Variants in CSMD1 observed in about 807,000 individuals in gnomAD.
The protein encoded by CSMD1 is CUB and sushi domain-containing protein 1.
Under a neutral mutation model 417.5 loss-of-function variants are expected in CSMD1, and 213 were observed. The observed-to-expected ratio is 0.51, with a 90% confidence interval of 0.46 to 0.57. The LOEUF (loss-of-function observed/expected upper bound fraction) is 0.57, where lower values mean the gene tolerates loss of function less well. CSMD1 is among the 20% of genes least tolerant of loss of function. CSMD1 has a pLI of 0.00. For synonymous variants in CSMD1, 2,862 were observed against 1,736.8 expected, an observed-to-expected ratio of 1.65 and a Z score of -16.11; for missense variants, 6,923 against 4,529.7, an observed-to-expected ratio of 1.53 and a Z score of -15.17.
At chr8:4,299,680 C>A (rs924482686) in intron 3 of CSMD1, among the ~76,000 whole-genome samples, 2 of 152,166 alleles carry the variant, frequency 1.3e-5, no homozygotes, top group African/African-American at 4.8e-5. Flanking sequence ...TGTCGCCAGG[C>A]TGGATGCAGT....
In CSMD1 at chr8:3,224,551, A is replaced by G. The variant is rs1216585215; in HGVS notation, c.4346-684T>C. On this transcript the variant is annotated intron_variant, in intron 27 of 69. Transcript: ENST00000635120. ...ACCCCAAAAGTTTAAGTGAGCTCTA[A>G]GTATACATATCAGTGAGGAGCTGAG... Among the ~76,000 whole-genome samples the G allele has an allele frequency of 1.1e-4, 17 of 152,336 alleles. No individual in the cohort carries two copies. In the East Asian group the frequency reaches 2.9e-3, roughly 26 times the overall value.
intron 1 of CSMD1, among the ~76,000 whole-genome samples, chr8:4,740,618 G>A (rs139822100): frequency 1.3e-5 from 2 of 152,286 alleles, no homozygotes; most frequent in East Asian, 3.9e-4. Context: ...GAAATGTTGT[G>A]GAAGACACAT....
intron 5 of CSMD1, among the ~76,000 whole-genome samples, chr8:3,941,422 C>T (rs1332876197): frequency 6.6e-6 from 1 of 152,056 alleles, no homozygotes; most frequent in Non-Finnish European, 1.5e-5. Flanking sequence ...ATATTTCTGT[C>T]CATCAGTCTA....
intron 1 of CSMD1, among the ~76,000 whole-genome samples, chr8:4,681,597 G>A (rs1009693374): frequency 6.6e-6 from 1 of 152,114 alleles, no homozygotes; most frequent in African/African-American, 2.4e-5. Context: ...AGTGGAACTC[G>A]AGCCTGGTAA....
intron 47 of CSMD1, among the ~76,000 whole-genome samples, chr8:3,092,108 A>C (rs17079311): frequency 0.26 from 39,030 of 151,984 alleles, 5,210 homozygotes; most frequent in East Asian, 0.36. Flanking sequence ...GAACCCTAGC[A>C]CATGTACGCA....
intron 2 of CSMD1, among the ~76,000 whole-genome samples, chr8:4,542,757 CAA>C (rs1332395377): frequency 6.6e-6 from 1 of 151,608 alleles, no homozygotes; most frequent in Non-Finnish European, 1.5e-5. Context: ...AGTGAAAGTA[CAA>C]AGTAAACATA....
At chr8:4,701,405 T>C (rs1293328270) in intron 1 of CSMD1, among the ~76,000 whole-genome samples, 2 of 151,892 alleles carry the variant, frequency 1.3e-5, no homozygotes, top group African/African-American at 4.8e-5. Flanking sequence ...ATGCGTTCCC[T>C]TACTTTGTCC....
chr8:4,439,930 A>G (rs780670478), intron 2 of CSMD1, among the ~76,000 whole-genome samples: 11 of 152,164 alleles, frequency 7.2e-5, no homozygotes, highest in Admixed American at 3.3e-4. Flanking sequence ...GAGTAATAAT[A>G]TATGTTTACA....
intron 2 of CSMD1, among the ~76,000 whole-genome samples, chr8:4,539,302 T>C (rs1797263364): frequency 6.6e-6 from 1 of 152,206 alleles, no homozygotes; most frequent in South Asian, 2.1e-4. Flanking sequence ...GGATGTAAAA[T>C]ATATCTTTTA....
chr8:4,971,575 G>T (rs1010002255), intron 1 of CSMD1, among the ~76,000 whole-genome samples: 1 of 151,820 alleles, frequency 6.6e-6, no homozygotes, highest in African/African-American at 2.4e-5. Context: ...TTTAGCAGTA[G>T]GCTATGTTTA....
chr8:3,065,214 T>C (rs1260070712), intron 49 of CSMD1, among the ~76,000 whole-genome samples: 1 of 151,958 alleles, frequency 6.6e-6, no homozygotes, highest in African/African-American at 2.4e-5. Context: ...TAGTGATAGA[T>C]AAATGACAGA....
intron 1 of CSMD1, among the ~76,000 whole-genome samples, chr8:4,896,317 A>T (rs1804476786): frequency 6.6e-6 from 1 of 152,054 alleles, no homozygotes. Flanking sequence ...CATGCTTTTC[A>T]ATATTTAATT....
chr8:3,604,539 A>G (rs1801513693), intron 8 of CSMD1, among the ~76,000 whole-genome samples: 1 of 152,216 alleles, frequency 6.6e-6, no homozygotes, highest in African/African-American at 2.4e-5. Context: ...ACCAACCGAG[A>G]TATCAGTGTA....
intron 3 of CSMD1, among the ~76,000 whole-genome samples, chr8:4,283,633 G>A (rs1260160904): frequency 6.6e-6 from 1 of 152,114 alleles, no homozygotes; most frequent in African/African-American, 2.4e-5. Flanking sequence ...CAAGAAATGT[G>A]GGTAGAGATG....
intron 3 of CSMD1, among the ~76,000 whole-genome samples, chr8:4,152,696 GA>G (rs200288278): frequency 1.8e-4 from 26 of 143,498 alleles, no homozygotes; most frequent in Non-Finnish European, 2.9e-4. Context: ...TCTCAAAAAA[GA>G]AAAAAAAAAT....
intron 3 of CSMD1, among the ~76,000 whole-genome samples, chr8:4,105,532 G>T (rs1266333170): frequency 2.0e-5 from 3 of 152,152 alleles, no homozygotes. Flanking sequence ...TTTTCTGCTG[G>T]ATGCAGACAA....
At chr8:4,791,601 A>T (rs1197892485) in intron 1 of CSMD1, among the ~76,000 whole-genome samples, 1 of 152,206 alleles carries the variant, frequency 6.6e-6, no homozygotes, top group Non-Finnish European at 1.5e-5. Flanking sequence ...GCAGGACCTT[A>T]AGCAGCAATG....
chr8:3,607,658 T>C (rs1267782954), intron 8 of CSMD1, among the ~76,000 whole-genome samples: 1 of 152,208 alleles, frequency 6.6e-6, no homozygotes, highest in African/African-American at 2.4e-5. Flanking sequence ...CAGTCCATTG[T>C]TAGGCAGTGT....
chr8:3,760,349 TG>T (rs1164955972), intron 5 of CSMD1, among the ~76,000 whole-genome samples: 10 of 152,230 alleles, frequency 6.6e-5, no homozygotes, highest in African/African-American at 2.4e-4. Context: ...AACTGGGTTT[TG>T]CTTCTGCTAA....
Sources: gnomAD v4.1 joint callset for allele counts (sites outside exome capture counted in the v4.1 genomes callset) on GRCh38, gnomAD v4.1.1 for gene constraint, MANE v1.5 for transcripts, NCBI Gene and HGNC (gene_info 2026-07-23, HGNC 2026-07-21) for gene names.